FRAS1: variants seen among roughly 807,000 people sequenced by gnomAD.
FRAS1 encodes extracellular matrix organizing protein FRAS1.
FRAS1 carries 290 observed loss-of-function variants against 435.2 expected under a neutral mutation model. The observed-to-expected ratio is 0.67, with a 90% CI of 0.61 to 0.73. The LOEUF (loss-of-function observed/expected upper bound fraction) is 0.73. FRAS1 is among the 30% of genes least tolerant of loss of function. FRAS1 has a pLI of 0.00. For synonymous variants in FRAS1, 1,800 were observed against 1,851.0 expected (o/e 0.97, Z 0.71); for missense variants, 4,860 against 5,001.5 (o/e 0.97, Z 0.85).
At position 78,259,587 on chromosome 4, in the gene FRAS1, A is replaced by G. The variant is rs548246340; in HGVS notation, c.603+4212A>G. Among the ~76,000 whole-genome samples, 168 of 150,766 alleles carry G rather than the reference A, an allele frequency of 1.1e-3. 2 individuals carry two copies. The highest frequency in any genetic ancestry group is 3.9e-3 in the African/African-American group (160 of 41,184). On this transcript the variant is annotated intron_variant, in intron 6 of 73. Transcript: ENST00000512123. ...TTTTCTTGTAAATTTGTTTGAGTTC[A>G]TTGTAGATTCTGGATATTAGCCCTT...
intron 20 of FRAS1, among the ~76,000 whole-genome samples, chr4:78,358,107 A>G (rs1730932003): frequency 6.6e-6 from 1 of 152,162 alleles, no homozygotes; most frequent in Non-Finnish European, 1.5e-5. Flanking sequence ...CATATTAAAT[A>G]CTCAATTAAA....
At chr4:78,399,327 A>G (rs1732793324) in intron 29 of FRAS1, among the ~76,000 whole-genome samples, 1 of 152,192 alleles carries the variant, frequency 6.6e-6, no homozygotes, top group Admixed American at 6.5e-5. Flanking sequence ...TTTTCAGAGT[A>G]TTCTTCTCCT....
intron 2 of FRAS1, among the ~76,000 whole-genome samples, chr4:78,200,501 G>T (rs1257383836): frequency 6.6e-6 from 1 of 152,202 alleles, no homozygotes; most frequent in African/African-American, 2.4e-5. Context: ...TCAGTTGAAA[G>T]AAAATAGAGA....
intron 20 of FRAS1, among the ~76,000 whole-genome samples, chr4:78,338,838 C>T (rs933910789): frequency 1.3e-5 from 2 of 152,136 alleles, no homozygotes; most frequent in African/African-American, 4.8e-5. Context: ...GCTGTGCTCC[C>T]TGTGGCTGGT....
chr4:78,493,643 C>T (rs1286362817), intron 59 of FRAS1, among the ~76,000 whole-genome samples: 2 of 151,676 alleles, frequency 1.3e-5, no homozygotes, highest in East Asian at 1.9e-4. Flanking sequence ...CATCACACAC[C>T]GGGGCCTGTC....
intron 16 of FRAS1, 88 bp from the exon 17 acceptor site, chr4:78,317,278 AAG>A: frequency 7.0e-7 from 1 of 1,420,738 alleles, no homozygotes; most frequent in Admixed American, 1.7e-5. Context: ...ACAGGGGACT[AAG>A]AGTCCCAGGC....
At chr4:78,073,148 T>G (rs1740447947) in intron 2 of FRAS1, among the ~76,000 whole-genome samples, 1 of 152,190 alleles carries the variant, frequency 6.6e-6, no homozygotes, top group South Asian at 2.1e-4. Context: ...AGAATTTTTT[T>G]GTCCTTGCTG....
intron 3 of FRAS1, among the ~76,000 whole-genome samples, chr4:78,239,719 G>T (rs765496021): frequency 6.6e-6 from 1 of 152,142 alleles, no homozygotes; most frequent in African/African-American, 2.4e-5. Flanking sequence ...ATATCTGAGA[G>T]AACAATTTCA....
rs72864509 is a variant in FRAS1 at position 78,245,172 on chromosome 4, A to C, written c.217-61A>C. On this transcript the variant is annotated intron_variant, in intron 3 of 73. Coordinates refer to ENST00000512123, the MANE Select transcript of FRAS1 (RefSeq NM_025074.7). Reference sequence around the variant, plus strand: ...ATGTAAGATGACTTAGGGTCTGATGAACTATTGTGACTTGGTGTGTGCTGC... The same window carrying C: ...ATGTAAGATGACTTAGGGTCTGATGCACTATTGTGACTTGGTGTGTGCTGC... 2,736 of 1,128,238 alleles carry C rather than the reference A, an allele frequency of 2.4e-3. 34 individuals carry two copies. In the African/African-American group the frequency reaches 0.037, roughly 15 times the overall value. 69.9% of individuals were successfully genotyped at this position (1,128,238 alleles called of 1,614,324 possible). A position where few individuals can be genotyped will look rare whatever the true frequency, so the allele number is the denominator to read the frequency against.
At position 78,433,521 on chromosome 4, in the gene FRAS1, T is replaced by G. The variant is rs868481867; in HGVS notation, c.5217+917T>G. ...TGAAGAATCTCACTATAAAATGTAG[T>G]CCTGAATAGCAGCATGTAAGATCAA... On this transcript the variant is annotated intron_variant, in intron 38 of 73. Coordinates refer to ENST00000512123, the MANE Select transcript of FRAS1 (RefSeq NM_025074.7). Among the ~76,000 whole-genome samples, 13 of 152,316 alleles carry G rather than the reference T, an allele frequency of 8.5e-5. 1 individual carries two copies. The highest frequency in any genetic ancestry group is 3.9e-4 in the East Asian group (2 of 5,186).
At chr4:78,315,473 T>G in intron 15 of FRAS1, 121 bp from the exon 16 acceptor site, 1 of 1,056,990 alleles carries the variant, frequency 9.5e-7, no homozygotes, top group East Asian at 2.6e-5. Flanking sequence ...AGAATTTTGC[T>G]GAGCAGCCAG....
chr4:78,456,099 A>C (rs920730806), intron 47 of FRAS1, among the ~76,000 whole-genome samples: 1 of 143,590 alleles, frequency 7.0e-6, no homozygotes, highest in Non-Finnish European at 1.5e-5. Context: ...CCCCACATCC[A>C]TTTTGGTTTT....
intron 58 of FRAS1, among the ~76,000 whole-genome samples, chr4:78,484,513 A>C (rs1720110546): frequency 6.6e-6 from 1 of 152,054 alleles, no homozygotes. Flanking sequence ...TCATATTTTT[A>C]GTGTTGTATC....
At chr4:78,427,732 A>G (rs1029523897) in intron 35 of FRAS1, among the ~76,000 whole-genome samples, 5 of 152,274 alleles carry the variant, frequency 3.3e-5, no homozygotes, top group African/African-American at 4.8e-5. Flanking sequence ...CTTACCTTCA[A>G]TAGGGCTGTT....
chr4:78,102,977 G>A (rs890942796), intron 2 of FRAS1, among the ~76,000 whole-genome samples: 2 of 152,094 alleles, frequency 1.3e-5, no homozygotes, highest in Non-Finnish European at 2.9e-5. Flanking sequence ...ATCCACCTCT[G>A]CTCATTCTGG....
intron 60 of FRAS1, among the ~76,000 whole-genome samples, chr4:78,498,363 A>G (rs1447382278): frequency 6.6e-6 from 1 of 152,136 alleles, no homozygotes; most frequent in Non-Finnish European, 1.5e-5. Flanking sequence ...AAAATTAGCC[A>G]GGCGTGGTGG....
intron 2 of FRAS1, among the ~76,000 whole-genome samples, chr4:78,100,670 A>G (rs1742076951): frequency 6.6e-6 from 1 of 152,192 alleles, no homozygotes; most frequent in African/African-American, 2.4e-5. Context: ...TAGCTTTTGA[A>G]CAAGGCACTC....
chr4:78,068,732 A>G, intron 2 of FRAS1: 1 of 376,564 alleles, frequency 2.7e-6, no homozygotes, highest in South Asian at 2.1e-5. Context: ...TGTAGGAAAA[A>G]CAGCTGTACA....
chr4:78,277,274 A>G (rs995762126), intron 9 of FRAS1, among the ~76,000 whole-genome samples: 1 of 152,156 alleles, frequency 6.6e-6, no homozygotes. Context: ...TGGTGAGGCA[A>G]TGCCTTGCCC....
Sources: allele counts gnomAD v4.1 joint callset (sites outside exome capture counted in the v4.1 genomes callset), GRCh38; gene constraint gnomAD v4.1.1; transcripts MANE v1.5; gene names NCBI Gene and HGNC (gene_info 2026-07-23, HGNC 2026-07-21).